The following KDM4C variants were observed in gnomAD, a reference collection of about 807,000 sequenced individuals.
KDM4C encodes the protein lysine demethylase 4C.
A neutral mutation model predicts 129.3 loss-of-function variants in KDM4C; 81 were observed. The observed-to-expected ratio is 0.63, with a 90% CI of 0.52 to 0.75. KDM4C has a LOEUF of 0.75. Ranked by LOEUF, KDM4C falls within the 30% of genes least tolerant of loss-of-function variation. The probability of loss-of-function intolerance (pLI) is 0.00; values close to 1 mark genes in which losing one functional copy is unlikely to be tolerated. For missense variants in KDM4C, 1,457 were observed against 1,304.0 expected, an observed-to-expected ratio of 1.12 and a Z score of -1.81; for synonymous variants, 573 against 456.1, an observed-to-expected ratio of 1.26 and a Z score of -3.26.
At position 6,810,150 on chromosome 9, in the gene KDM4C, C is replaced by G. The variant is rs574795470; in HGVS notation, c.320+4376C>G. 3.3e-5 allele frequency among the ~76,000 whole-genome samples: 5 copies of G among 152,230 alleles called. No homozygotes were observed. In the East Asian group the frequency reaches 9.6e-4, roughly 29 times the overall value. On this transcript the variant is annotated intron_variant, in intron 3 of 21. Transcript: ENST00000381309. ...GAAACTTTGATCATCCTCTCTAGCC[C>G]ATTTGATTATTTCAGCATGGTATCG...
chr9:6,890,867 T>A (rs2130877115), intron 7 of KDM4C, among the ~76,000 whole-genome samples: 1 of 152,324 alleles, frequency 6.6e-6, no homozygotes, highest in South Asian at 2.1e-4. Flanking sequence ...AGTTGGGCTA[T>A]GTTCTCACGT....
At chr9:7,113,078 A>G (rs1024279824) in intron 18 of KDM4C, among the ~76,000 whole-genome samples, 1 of 152,100 alleles carries the variant, frequency 6.6e-6, no homozygotes, top group African/African-American at 2.4e-5. Context: ...TTGCAGTGTT[A>G]TTATTGACAA....
chr9:6,846,073 C>T (rs1011603281), intron 4 of KDM4C, among the ~76,000 whole-genome samples: 1 of 152,160 alleles, frequency 6.6e-6, no homozygotes, highest in African/African-American at 2.4e-5. Context: ...TGTAGAGTGG[C>T]ACTGCCTCTG....
intron 18 of KDM4C, among the ~76,000 whole-genome samples, chr9:7,124,907 C>G (rs1024361313): frequency 3.3e-5 from 5 of 152,112 alleles, no homozygotes; most frequent in African/African-American, 9.7e-5. Flanking sequence ...GGGCTTTCCC[C>G]TTTGTCCAAA....
At chr9:6,835,174 C>A in intron 4 of KDM4C, 1 of 945,404 alleles carries the variant, frequency 1.1e-6, no homozygotes, top group Non-Finnish European at 1.7e-6. Context: ...GAGCTATGAG[C>A]TGACTGACGG....
chr9:7,058,222 C>G (rs533533200), intron 17 of KDM4C, among the ~76,000 whole-genome samples: 26 of 152,306 alleles, frequency 1.7e-4, no homozygotes, highest in African/African-American at 6.3e-4. Flanking sequence ...GGATAAATCA[C>G]TGTTTGGAAC....
At chr9:7,163,780 G>A (rs1046922984) in intron 19 of KDM4C, among the ~76,000 whole-genome samples, 1 of 152,140 alleles carries the variant, frequency 6.6e-6, no homozygotes, top group Non-Finnish European at 1.5e-5. Flanking sequence ...AATTCCACAT[G>A]CCCTGAGGTC....
intron 5 of KDM4C, among the ~76,000 whole-genome samples, chr9:6,868,701 C>T (rs1842415111): frequency 6.6e-6 from 1 of 151,754 alleles, no homozygotes; most frequent in African/African-American, 2.4e-5. Context: ...TTCCCCTCCA[C>T]GTATTTTTGA....
rs751753491 is a variant in KDM4C at position 7,011,731 on chromosome 9, T to C, written c.1820T>C (p.Val607Ala). 3 of 1,614,108 alleles carry C rather than the reference T, an allele frequency of 1.9e-6. No individual in the cohort carries two copies. The Admixed American group carries it at 5.0e-5, about 27-fold the overall frequency. Residue 607 changes from valine to alanine, a missense_variant, in exon 13 of 22, where the codon GTG (valine) becomes GCG (alanine). Physicochemically the swap from Val to Ala is moderately conservative, Grantham distance 64. Transcript: ENST00000381309. ...LPEVLSIEEE[V>A]EETESWAKPL... ...GAGGTTCTGTCCATTGAGGAGGAAGTGGAAGAAACAGAGTCTTGGGCGAAA... is the reference window on the plus strand; with the variant it reads ...GAGGTTCTGTCCATTGAGGAGGAAGCGGAAGAAACAGAGTCTTGGGCGAAA...
chr9:7,031,152 TTATTTATTTATTTATTTATG>T (rs1405112484), intron 15 of KDM4C, among the ~76,000 whole-genome samples: 14 of 127,338 alleles, frequency 1.1e-4, no homozygotes, highest in African/African-American at 1.6e-4. Context: ...ATTTATTTAT[TTATTTATTTATTTATTTATG>T]TATGTTTTGA....
At position 6,793,251 on chromosome 9, in the gene KDM4C, C is replaced by T. The variant is rs146806533; in HGVS notation, c.144+119C>T. On this transcript the variant is annotated intron_variant, in intron 2 of 21. Coordinates refer to ENST00000381309, the MANE Select transcript of KDM4C (RefSeq NM_015061.6). ...AAGAAATTTGCAAAATCTTTGTTCT[C>T]GTTAATCCATGTGAAACATTTGATT... is the stretch of plus-strand genomic sequence containing the variant. 107 of 944,576 alleles carry T rather than the reference C, an allele frequency of 1.1e-4. No individual in the cohort carries two copies. In the African/African-American group the frequency reaches 1.4e-3, roughly 12 times the overall value. The allele number at this position is 944,576 out of a possible 1,614,324, so 58.5% of individuals were successfully genotyped here.
At chr9:6,805,006 T>G (rs1264383551) in intron 2 of KDM4C, among the ~76,000 whole-genome samples, 1 of 151,930 alleles carries the variant, frequency 6.6e-6, no homozygotes, top group Non-Finnish European at 1.5e-5. Flanking sequence ...GTTCAAGCGA[T>G]TCTCCTGCCT....
chr9:7,153,218 T>A (rs552005051), intron 19 of KDM4C, among the ~76,000 whole-genome samples: 3 of 152,318 alleles, frequency 2.0e-5, no homozygotes, highest in Admixed American at 2.0e-4. Context: ...GATTACACTT[T>A]GGGTGAGCCA....
At chr9:7,033,892 A>C (rs1036522523) in intron 15 of KDM4C, among the ~76,000 whole-genome samples, 2 of 152,210 alleles carry the variant, frequency 1.3e-5, no homozygotes, top group Non-Finnish European at 2.9e-5. Context: ...GCTGCAAGGC[A>C]CATCTCTTTT....
rs143950457 is a variant in KDM4C at position 6,930,936 on chromosome 9, G to A, written c.921+37704G>A. Among the ~76,000 whole-genome samples, 310 of 152,196 alleles carry A rather than the reference G, an allele frequency of 2.0e-3. 1 individual carries two copies. The highest frequency in any genetic ancestry group is 7.3e-3 in the African/African-American group (303 of 41,522). On this transcript the variant is annotated intron_variant, in intron 8 of 21. Coordinates refer to ENST00000381309, the MANE Select transcript of KDM4C (RefSeq NM_015061.6). ...CCTTTGCATCTGCAGTTTGCAGTAAGCACCTCAGAGAATTCTGATGTATGG... is the reference window on the plus strand; with the variant it reads ...CCTTTGCATCTGCAGTTTGCAGTAAACACCTCAGAGAATTCTGATGTATGG...
At chr9:6,929,671 C>T (rs558184183) in intron 8 of KDM4C, among the ~76,000 whole-genome samples, 1 of 151,972 alleles carries the variant, frequency 6.6e-6, no homozygotes, top group Non-Finnish European at 1.5e-5. Context: ...CATGAATTGT[C>T]TGGTTGAGGT....
chr9:6,736,509 C>T (rs1276259315), intron 1 of KDM4C, among the ~76,000 whole-genome samples: 1 of 152,084 alleles, frequency 6.6e-6, no homozygotes, highest in Non-Finnish European at 1.5e-5. Flanking sequence ...TAAAAGGGGC[C>T]AAGGTACAGC....
intron 16 of KDM4C, among the ~76,000 whole-genome samples, chr9:7,048,382 G>C (rs1829705530): frequency 1.3e-5 from 2 of 151,976 alleles, no homozygotes; most frequent in Admixed American, 6.6e-5. Flanking sequence ...TAGGTTGATG[G>C]ATTTGACAAT....
intron 17 of KDM4C, among the ~76,000 whole-genome samples, chr9:7,052,320 C>A (rs1203204298): frequency 6.6e-6 from 1 of 152,160 alleles, no homozygotes; most frequent in African/African-American, 2.4e-5. Flanking sequence ...AATCAAGTTT[C>A]ACCTAAGATT....
Sources: allele counts gnomAD v4.1 joint callset (sites outside exome capture counted in the v4.1 genomes callset), GRCh38; gene constraint gnomAD v4.1.1; transcripts MANE v1.5; gene names NCBI Gene and HGNC (gene_info 2026-07-23, HGNC 2026-07-21).